TLCD4: variants seen among roughly 807,000 people sequenced by gnomAD.
TLCD4 encodes the protein TLC domain containing 4.
A neutral mutation model predicts 24.2 loss-of-function variants in TLCD4; 7 were observed. That is an observed-to-expected ratio of 0.29 (90% CI 0.16 to 0.54). The LOEUF (loss-of-function observed/expected upper bound fraction) is 0.54. Among genes scored for constraint, TLCD4 ranks in the 20% least tolerant of loss-of-function variants. The pLI is 0.95. For missense variants in TLCD4, 259 were observed against 313.9 expected (o/e 0.82, Z 1.32); for synonymous variants, 103 against 106.4 (o/e 0.97, Z 0.20).
Position 95,138,143 on chromosome 1 carries a change from C to G in TLCD4, c.-11-5748C>G, listed in dbSNP as rs144639751. On this transcript the variant is annotated intron_variant, in intron 1 of 6. Transcript: ENST00000370203. ...ACCTCCTCACTATTATGTGTTACCT[C>G]TCCTGGGTATTTATTCCTTGGAAAG... is the stretch of plus-strand genomic sequence containing the variant. 39 of 152,270 alleles carry G rather than the reference C, an allele frequency of 2.6e-4. 1 individual carries two copies. In the East Asian group the frequency reaches 7.0e-3, roughly 27 times the overall value. 9.4% of individuals were successfully genotyped at this position (152,270 alleles called of 1,614,324 possible). A position where few individuals can be genotyped will look rare whatever the true frequency, so the allele number is the denominator to read the frequency against.
At chr1:95,096,479 G>T in the TLCD4 span, among the ~76,000 whole-genome samples, 1 of 152,144 alleles carries the variant, frequency 6.6e-6, no homozygotes, top group Non-Finnish European at 1.5e-5. Context: ...CTTTGCGGAA[G>T]GGACAGTAAG....
the TLCD4 span, among the ~76,000 whole-genome samples, chr1:95,095,221 G>C: frequency 4.6e-5 from 7 of 151,994 alleles, no homozygotes; most frequent in Non-Finnish European, 1.0e-4. Flanking sequence ...AGACTGCTGG[G>C]GTCACACAGG....
intron 1 of TLCD4, among the ~76,000 whole-genome samples, chr1:95,133,375 A>G (rs1234211102): frequency 8.3e-6 from 1 of 120,972 alleles, no homozygotes; most frequent in African/African-American, 4.0e-5. Context: ...CCTAAAACTT[A>G]AAGTATAATT....
chr1:95,102,853 G>C, the TLCD4 span, among the ~76,000 whole-genome samples: 2 of 152,032 alleles, frequency 1.3e-5, no homozygotes, highest in African/African-American at 2.4e-5. Flanking sequence ...AAGGGCTAGG[G>C]GAATGCAGCA....
chr1:95,140,820 T>G (rs1310746143), intron 1 of TLCD4: 1 of 152,260 alleles, frequency 6.6e-6, no homozygotes, highest in Non-Finnish European at 1.5e-5. Context: ...TTAACATATG[T>G]TAGTAATGAG....
At chr1:95,111,840 A>G in the TLCD4 span, among the ~76,000 whole-genome samples, 1 of 152,228 alleles carries the variant, frequency 6.6e-6, no homozygotes, top group Non-Finnish European at 1.5e-5. Context: ...GCCACTATCA[A>G]TGCAATCCCT....
the TLCD4 span, among the ~76,000 whole-genome samples, chr1:95,110,120 A>G: frequency 6.6e-6 from 1 of 150,830 alleles, no homozygotes; most frequent in African/African-American, 2.4e-5. Context: ...AAAAATGTAT[A>G]TTTAAAAAAT....
At chr1:95,173,926 G>A in intron 6 of TLCD4, 37 bp downstream of exon 6, 1 of 1,612,136 alleles carries the variant, frequency 6.2e-7, no homozygotes, top group Non-Finnish European at 8.5e-7. Context: ...TTAAAGTCAT[G>A]CTGTTTATTT....
At chr1:95,125,223 C>T (rs1014260602) in intron 1 of TLCD4, among the ~76,000 whole-genome samples, 2 of 152,074 alleles carry the variant, frequency 1.3e-5, no homozygotes, top group Non-Finnish European at 2.9e-5. Context: ...ACTTACTACA[C>T]CTGAATTTAA....
upstream of TLCD4, among the ~76,000 whole-genome samples, chr1:95,113,071 C>G (rs1021119917): frequency 7.0e-6 from 1 of 143,702 alleles, no homozygotes; most frequent in Non-Finnish European, 1.5e-5. Flanking sequence ...GAGACAGAGT[C>G]TTGCTCTGTC....
the TLCD4 span, among the ~76,000 whole-genome samples, chr1:95,105,030 T>TA: frequency 4.2e-4 from 64 of 150,814 alleles, 1 homozygote; most frequent in South Asian, 4.2e-3. Flanking sequence ...TCAATAACAA[T>TA]AAAAAAAAAT....
chr1:95,159,969 G>A (rs75944986), intron 5 of TLCD4, among the ~76,000 whole-genome samples: 100 of 152,320 alleles, frequency 6.6e-4, no homozygotes, highest in African/African-American at 2.1e-3. Context: ...TTTTGGCTTA[G>A]GATTGTCTTG....
chr1:95,184,543 G>A (rs1223297499), intron 6 of TLCD4, among the ~76,000 whole-genome samples: 2 of 152,142 alleles, frequency 1.3e-5, no homozygotes, highest in African/African-American at 4.8e-5. Flanking sequence ...AAGGGTAGGA[G>A]GAGGAATAAT....
At chr1:95,092,611 G>C in the TLCD4 span, among the ~76,000 whole-genome samples, 1 of 152,180 alleles carries the variant, frequency 6.6e-6, no homozygotes, top group Non-Finnish European at 1.5e-5. Flanking sequence ...TCACCGCGAA[G>C]GTCTGCAGCT....
rs182366772 is a variant in TLCD4 at position 95,123,837 on chromosome 1, C to T, written c.-12+6220C>T. On this transcript the variant is annotated intron_variant, in intron 1 of 6. Coordinates refer to ENST00000370203, the MANE Select transcript of TLCD4 (RefSeq NM_152487.3). ...TTACTTCTAATAATGTTTTGATAAA[C>T]ACTCTTATAAATACTGTATATCTTT... Among the ~76,000 whole-genome samples, 17 of 152,258 alleles carry T rather than the reference C, an allele frequency of 1.1e-4. No homozygotes were observed. The East Asian group carries it at 1.7e-3, about 16-fold the overall frequency.
At chr1:95,177,267 T>A (rs966611249) in intron 6 of TLCD4, among the ~76,000 whole-genome samples, 3 of 152,160 alleles carry the variant, frequency 2.0e-5, no homozygotes, top group African/African-American at 7.2e-5. Flanking sequence ...TTTCTCCCCA[T>A]CTTTGAAAAA....
At chr1:95,110,441 C>T in the TLCD4 span, among the ~76,000 whole-genome samples, 191 of 152,060 alleles carry the variant, frequency 1.3e-3, no homozygotes, top group African/African-American at 4.3e-3. Context: ...AACAAGATCC[C>T]TAAATGTCCA....
At chr1:95,168,959 A>G (rs1678117766) in intron 5 of TLCD4, among the ~76,000 whole-genome samples, 1 of 152,224 alleles carries the variant, frequency 6.6e-6, no homozygotes, top group African/African-American at 2.4e-5. Flanking sequence ...TTAAGGGGTC[A>G]GGAAAAACTT....
intron 4 of TLCD4, among the ~76,000 whole-genome samples, chr1:95,151,123 G>A (rs761573500): frequency 6.6e-6 from 1 of 152,150 alleles, no homozygotes; most frequent in African/African-American, 2.4e-5. Flanking sequence ...TCTTAGAGGA[G>A]CCACAGGAGT....
Sources: gnomAD v4.1 joint callset for allele counts (sites outside exome capture counted in the v4.1 genomes callset) on GRCh38, gnomAD v4.1.1 for gene constraint, MANE v1.5 for transcripts, NCBI Gene and HGNC (gene_info 2026-07-23, HGNC 2026-07-21) for gene names.